BBS9: variants seen among roughly 807,000 people sequenced by gnomAD.
The protein encoded by BBS9 is protein PTHB1.
A neutral mutation model predicts 117.7 loss-of-function variants in BBS9; 89 were observed. That is an observed-to-expected ratio of 0.76 (90% CI 0.64 to 0.90). The LOEUF (loss-of-function observed/expected upper bound fraction) is 0.90, where lower values mean the gene tolerates loss of function less well. Ranked by LOEUF, BBS9 falls within the 40% of genes least tolerant of loss-of-function variation. BBS9 has a pLI of 0.00. For synonymous variants in BBS9, 379 were observed against 370.9 expected, an observed-to-expected ratio of 1.02 and a Z score of -0.25; for missense variants, 982 against 1,042.2, an observed-to-expected ratio of 0.94 and a Z score of 0.80.
intron 5 of BBS9, among the ~76,000 whole-genome samples, chr7:33,235,925 A>T (rs2128272043): frequency 6.6e-6 from 1 of 152,282 alleles, no homozygotes; most frequent in South Asian, 2.1e-4. Context: ...GCATTTATTT[A>T]TTCTTGACTT....
chr7:33,470,157 G>A (rs1469528940), intron 19 of BBS9, among the ~76,000 whole-genome samples: 1 of 152,092 alleles, frequency 6.6e-6, no homozygotes, highest in Non-Finnish European at 1.5e-5. Flanking sequence ...AGTGCTTATT[G>A]TACTAAATCC....
At chr7:33,580,551 T>C (rs569704305) in intron 21 of BBS9, among the ~76,000 whole-genome samples, 6 of 152,286 alleles carry the variant, frequency 3.9e-5, no homozygotes, top group African/African-American at 1.2e-4. Flanking sequence ...TTTTTCCTTT[T>C]TAAGTGATGA....
At position 33,597,069 on chromosome 7, in the gene BBS9, TCACACACACACACA is replaced by T. The variant is rs58511454; in HGVS notation, c.2522-7765_2522-7752del. On this transcript the variant is annotated intron_variant, in intron 21 of 22. Transcript: ENST00000242067. ...AATCATCTCTCTCTCTCTCTCTCTGTCACACACACACACACACACACACACACACACACACACAC... is the reference window on the plus strand; with the variant it reads ...AATCATCTCTCTCTCTCTCTCTCTGTCACACACACACACACACACACACAC... Among the ~76,000 whole-genome samples, 1,377 of 138,932 alleles carry T rather than the reference TCACACACACACACA, an allele frequency of 9.9e-3. 20 individuals are homozygous for T. Among genetic ancestry groups the T allele is most frequent in the African/African-American group, 0.022 (831 of 37,894 alleles). The allele number at this position is 138,932 out of a possible 152,430, so 91.1% of individuals were successfully genotyped here.
intron 5 of BBS9, among the ~76,000 whole-genome samples, chr7:33,206,645 T>C (rs774346891): frequency 6.6e-6 from 1 of 152,146 alleles, no homozygotes; most frequent in Non-Finnish European, 1.5e-5. Context: ...TTCTCAAGAA[T>C]AGAAATATTC....
chr7:33,319,078 G>T (rs187472557), intron 9 of BBS9, among the ~76,000 whole-genome samples: 1 of 151,702 alleles, frequency 6.6e-6, no homozygotes, highest in Admixed American at 6.6e-5. Flanking sequence ...CAGGAGAATC[G>T]CTTGAACCTG....
chr7:33,576,889 A>G (rs974493697), intron 21 of BBS9, among the ~76,000 whole-genome samples: 1 of 152,214 alleles, frequency 6.6e-6, no homozygotes, highest in African/African-American at 2.4e-5. Context: ...CTTACACCTT[A>G]TACAAAAATT....
chr7:33,503,498 T>C (rs1378177222), intron 19 of BBS9, among the ~76,000 whole-genome samples: 1 of 151,170 alleles, frequency 6.6e-6, no homozygotes, highest in Non-Finnish European at 1.5e-5. Context: ...TTATAGCCTA[T>C]AGAGTCTTCC....
intron 5 of BBS9, among the ~76,000 whole-genome samples, chr7:33,229,281 T>G (rs1791872562): frequency 6.6e-6 from 1 of 152,116 alleles, no homozygotes; most frequent in South Asian, 2.1e-4. Context: ...TTACATTAGT[T>G]CTCTAGACCT....
At chr7:33,385,061 G>A (rs1185452538) in intron 18 of BBS9, among the ~76,000 whole-genome samples, 1 of 152,066 alleles carries the variant, frequency 6.6e-6, no homozygotes, top group Non-Finnish European at 1.5e-5. Context: ...TTCGCTGTTG[G>A]AAACTTAAGT....
At chr7:33,498,911 A>G (rs763617713) in intron 19 of BBS9, among the ~76,000 whole-genome samples, 8 of 152,090 alleles carry the variant, frequency 5.3e-5, no homozygotes, top group Non-Finnish European at 1.2e-4. Flanking sequence ...TGGTAACTCT[A>G]TGTTTAACTT....
At chr7:33,132,916 C>T (rs577989140) in intron 1 of BBS9, among the ~76,000 whole-genome samples, 4 of 152,116 alleles carry the variant, frequency 2.6e-5, no homozygotes, top group Admixed American at 6.5e-5. Flanking sequence ...TGCTATTGTT[C>T]TTTTTTTAAT....
intron 19 of BBS9, among the ~76,000 whole-genome samples, chr7:33,485,311 T>G: frequency 6.7e-6 from 1 of 149,060 alleles, no homozygotes; most frequent in East Asian, 1.9e-4. Context: ...CATAAAAGTT[T>G]TTTTTTTTTT....
intron 9 of BBS9, among the ~76,000 whole-genome samples, chr7:33,302,556 T>C (rs1020746037): frequency 6.6e-6 from 1 of 152,222 alleles, no homozygotes; most frequent in African/African-American, 2.4e-5. Flanking sequence ...ATTTATGTTC[T>C]TGACACCTTT....
intron 5 of BBS9, among the ~76,000 whole-genome samples, chr7:33,216,638 C>T (rs530985963): frequency 1.3e-5 from 2 of 152,220 alleles, no homozygotes; most frequent in South Asian, 4.2e-4. Context: ...CAGTGGTTGG[C>T]TTTGTCACAT....
At chr7:33,365,979 A>G (rs951652559) in intron 16 of BBS9, among the ~76,000 whole-genome samples, 1 of 152,228 alleles carries the variant, frequency 6.6e-6, no homozygotes, top group Admixed American at 6.5e-5. Flanking sequence ...CTGGTATCTG[A>G]GACATGGATG....
rs1223210190 is a variant in BBS9, at chr7:33,245,955, T to A, written c.443-11281T>A. ...CACTGAGGAGTTCTTTTGGATATCT[T>A]GTTTATGAATTTATACTTAATTCTG... On this transcript the variant is annotated intron_variant, in intron 5 of 22. Coordinates refer to ENST00000242067, the MANE Select transcript of BBS9 (RefSeq NM_198428.3). Among the ~76,000 whole-genome samples the A allele has an allele frequency of 2.0e-5, 3 of 152,154 alleles. No homozygotes were observed. The East Asian group carries it at 5.8e-4, about 29-fold the overall frequency.
At chr7:33,421,337 C>G (rs1300394598) in intron 19 of BBS9, among the ~76,000 whole-genome samples, 1 of 152,100 alleles carries the variant, frequency 6.6e-6, no homozygotes, top group Non-Finnish European at 1.5e-5. Flanking sequence ...AAAACATACA[C>G]CATTTAAAAA....
downstream of BBS9, among the ~76,000 whole-genome samples, chr7:33,606,778 C>T (rs1864594959): frequency 6.6e-6 from 1 of 152,138 alleles, no homozygotes; most frequent in African/African-American, 2.4e-5. Flanking sequence ...CATTCGAGGT[C>T]CTCTTGGAAT....
intron 20 of BBS9, among the ~76,000 whole-genome samples, chr7:33,513,814 T>A (rs1462170046): frequency 1.3e-5 from 2 of 152,236 alleles, no homozygotes; most frequent in East Asian, 1.9e-4. Context: ...AACTGTTAGG[T>A]ACACTTCACC....
Sources: gnomAD v4.1 joint callset for allele counts (sites outside exome capture counted in the v4.1 genomes callset) on GRCh38, gnomAD v4.1.1 for gene constraint, MANE v1.5 for transcripts, NCBI Gene and HGNC (gene_info 2026-07-23, HGNC 2026-07-21) for gene names.